Variants in SLC39A11 observed in about 807,000 individuals in gnomAD.
The protein encoded by SLC39A11 is zinc transporter ZIP11.
Under a neutral mutation model 36.1 loss-of-function variants are expected in SLC39A11, and 33 were observed. The ratio of observed to expected loss-of-function variants is 0.91; its 90% CI spans 0.69 to 1.22. The LOEUF (loss-of-function observed/expected upper bound fraction) is 1.22. Among genes scored for constraint, SLC39A11 ranks in the 50% most tolerant of loss-of-function variants. SLC39A11 has a pLI of 0.00. For synonymous variants in SLC39A11, 166 were observed against 170.3 expected, an observed-to-expected ratio of 0.97 and a Z score of 0.20; for missense variants, 432 against 430.3, an observed-to-expected ratio of 1.00 and a Z score of -0.03.
chr17:72,742,704 C>T (rs1049490846), intron 6 of SLC39A11, among the ~76,000 whole-genome samples: 9 of 152,232 alleles, frequency 5.9e-5, no homozygotes, highest in Middle Eastern at 3.4e-3. Context: ...ACAGACAACT[C>T]GTGCACTTTT....
At chr17:72,759,648 C>G (rs1449435311) in intron 6 of SLC39A11, among the ~76,000 whole-genome samples, 4 of 152,072 alleles carry the variant, frequency 2.6e-5, no homozygotes, top group Non-Finnish European at 5.9e-5. Context: ...TTGTCCATTC[C>G]ATCTTAACAT....
intron 5 of SLC39A11, among the ~76,000 whole-genome samples, chr17:72,931,877 C>A (rs1305605736): frequency 6.6e-6 from 1 of 152,178 alleles, no homozygotes; most frequent in Non-Finnish European, 1.5e-5. Context: ...GGAAGATGAA[C>A]AAAGTCCACT....
At chr17:72,967,094 A>T (rs1158320799) in intron 4 of SLC39A11, among the ~76,000 whole-genome samples, 1 of 152,194 alleles carries the variant, frequency 6.6e-6, no homozygotes, top group African/African-American at 2.4e-5. Flanking sequence ...CAGGAAAATG[A>T]GCTCAGGGCT....
chr17:72,839,469 T>A (rs1434527672), intron 6 of SLC39A11: 2 of 152,196 alleles, frequency 1.3e-5, no homozygotes, highest in African/African-American at 4.8e-5. Context: ...AGGTACTGAT[T>A]GGAGTGATGT....
intron 6 of SLC39A11, among the ~76,000 whole-genome samples, chr17:72,805,306 C>G (rs1019970449): frequency 3.9e-5 from 6 of 152,138 alleles, no homozygotes; most frequent in African/African-American, 1.2e-4. Flanking sequence ...CCTCCCACCT[C>G]CAGGCAGAAG....
At chr17:72,748,358 A>T (rs2075026340) in intron 6 of SLC39A11, among the ~76,000 whole-genome samples, 1 of 152,068 alleles carries the variant, frequency 6.6e-6, no homozygotes, top group Non-Finnish European at 1.5e-5. Flanking sequence ...GTCACATCCT[A>T]TTGTTTATTA....
In SLC39A11 at chr17:72,648,777, C is replaced by T. The variant is rs374331632; in HGVS notation, c.929+26G>A. On this transcript the variant is annotated intron_variant, in intron 9 of 9. Transcript: ENST00000255559. Reference sequence around the variant, plus strand: ...GTCCCAGCTGGGACTGGGACAGGGACAGACAGGGAGGGAAGGTTCTCCAAC... The same window carrying T: ...GTCCCAGCTGGGACTGGGACAGGGATAGACAGGGAGGGAAGGTTCTCCAAC... 62 of 1,613,760 alleles carry T rather than the reference C, an allele frequency of 3.8e-5. No homozygotes were observed. In the African/African-American group the frequency reaches 7.2e-4, roughly 19 times the overall value.
intron 6 of SLC39A11, among the ~76,000 whole-genome samples, chr17:72,769,359 T>C (rs1471037998): frequency 6.6e-6 from 1 of 152,132 alleles, no homozygotes; most frequent in East Asian, 1.9e-4. Context: ...CAATAGAACA[T>C]TATTCAACCT....
At chr17:72,906,115 G>C (rs1459939993) in intron 5 of SLC39A11, among the ~76,000 whole-genome samples, 1 of 152,326 alleles carries the variant, frequency 6.6e-6, no homozygotes, top group South Asian at 2.1e-4. Flanking sequence ...GAGCAAAAGG[G>C]CCAGAATGAG....
intron 7 of SLC39A11, among the ~76,000 whole-genome samples, chr17:72,676,102 A>ACACACACACACACT (rs869131230): frequency 2.6e-5 from 4 of 151,006 alleles, no homozygotes; most frequent in Non-Finnish European, 4.4e-5. Flanking sequence ...ACACACACAC[A>ACACACACACACACT]CTTGCTGTAT....
At chr17:73,052,828 G>A (rs1295263851) in intron 3 of SLC39A11, among the ~76,000 whole-genome samples, 1 of 152,122 alleles carries the variant, frequency 6.6e-6, no homozygotes, top group Non-Finnish European at 1.5e-5. Context: ...TGCCTCCCGA[G>A]TAGCTGGAAT....
intron 7 of SLC39A11, among the ~76,000 whole-genome samples, chr17:72,676,078 A>T (rs966443693): frequency 5.9e-4 from 86 of 145,994 alleles, no homozygotes; most frequent in Non-Finnish European, 7.3e-4. Context: ...TTTCACACAC[A>T]CACACACACA....
At chr17:72,936,244 A>C (rs1465125493) in intron 5 of SLC39A11, among the ~76,000 whole-genome samples, 1 of 151,928 alleles carries the variant, frequency 6.6e-6, no homozygotes, top group African/African-American at 2.4e-5. Context: ...TTGGACTGTC[A>C]CAATTTGTAT....
chr17:72,768,568 C>T (rs945431589), intron 6 of SLC39A11, among the ~76,000 whole-genome samples: 1 of 152,138 alleles, frequency 6.6e-6, no homozygotes, highest in African/African-American at 2.4e-5. Flanking sequence ...AGGCAGGAAC[C>T]GAGGCTTGCT....
intron 7 of SLC39A11, among the ~76,000 whole-genome samples, chr17:72,680,661 G>A (rs2144297043): frequency 6.6e-6 from 1 of 152,312 alleles, no homozygotes; most frequent in East Asian, 1.9e-4. Flanking sequence ...AGGTATGTCT[G>A]TATTAGTAGT....
At chr17:73,084,966 C>A in intron 2 of SLC39A11, 120 bp from the exon 3 acceptor site, 1 of 988,218 alleles carries the variant, frequency 1.0e-6, no homozygotes, top group Admixed American at 1.9e-5. Flanking sequence ...GACTCCTGAG[C>A]TCGTGAGCTA....
intron 4 of SLC39A11, among the ~76,000 whole-genome samples, chr17:73,006,803 C>T (rs1264344198): frequency 1.3e-5 from 2 of 152,140 alleles, no homozygotes; most frequent in African/African-American, 2.4e-5. Flanking sequence ...TCCACCCAAC[C>T]GTTCACACAT....
chr17:73,027,683 T>C (rs2058604006), intron 4 of SLC39A11, among the ~76,000 whole-genome samples: 1 of 152,208 alleles, frequency 6.6e-6, no homozygotes, highest in Non-Finnish European at 1.5e-5. Context: ...AACACAGTCA[T>C]GTGTTAACCA....
At chr17:72,729,273 A>G (rs1303931513) in intron 7 of SLC39A11, among the ~76,000 whole-genome samples, 2 of 147,128 alleles carry the variant, frequency 1.4e-5, no homozygotes, top group African/African-American at 5.0e-5. Flanking sequence ...CAGTCTCTCT[A>G]TTGCCCAGGA....
Sources: gnomAD v4.1 joint callset for allele counts (sites outside exome capture counted in the v4.1 genomes callset) on GRCh38, gnomAD v4.1.1 for gene constraint, MANE v1.5 for transcripts, NCBI Gene and HGNC (gene_info 2026-07-23, HGNC 2026-07-21) for gene names.